Variants in CACNA2D3 observed in about 807,000 individuals in gnomAD.
The protein encoded by CACNA2D3 is voltage-dependent calcium channel subunit alpha-2/delta-3.
A neutral mutation model predicts 160.6 loss-of-function variants in CACNA2D3; 60 were observed. The observed-to-expected ratio is 0.37, with a 90% CI of 0.30 to 0.46. The LOEUF is 0.46. Ranked by LOEUF, CACNA2D3 falls within the 20% of genes least tolerant of loss-of-function variation. The pLI, the probability that CACNA2D3 is intolerant of heterozygous loss-of-function variation, is 1.00. For missense variants in CACNA2D3, 1,205 were observed against 1,365.0 expected (o/e 0.88, Z 1.85); for synonymous variants, 558 against 492.9 (o/e 1.13, Z -1.75).
chr3:54,867,628 GTGCACACACCACCTTT>G (rs538410520), intron 17 of CACNA2D3, among the ~76,000 whole-genome samples: 22 of 151,730 alleles, frequency 1.4e-4, no homozygotes, highest in Non-Finnish European at 2.6e-4. Context: ...CCTGATCCAG[GTGCACACACCACCTTT>G]TCAGGACTCT....
intron 11 of CACNA2D3, among the ~76,000 whole-genome samples, chr3:54,733,607 G>A (rs986216489): frequency 1.3e-5 from 2 of 152,176 alleles, no homozygotes; most frequent in African/African-American, 2.4e-5. Flanking sequence ...CATTTACAGA[G>A]AGAAATCAGG....
chr3:54,679,763 T>G (rs896587597), intron 11 of CACNA2D3, among the ~76,000 whole-genome samples: 2 of 152,238 alleles, frequency 1.3e-5, no homozygotes, highest in African/African-American at 4.8e-5. Flanking sequence ...GTTGAGTAGG[T>G]GAATATGGCG....
At chr3:54,325,672 C>A (rs1372494232) in intron 3 of CACNA2D3, among the ~76,000 whole-genome samples, 1 of 152,084 alleles carries the variant, frequency 6.6e-6, no homozygotes, top group Non-Finnish European at 1.5e-5. Flanking sequence ...GTTGTGGTAG[C>A]GTTTCAAGCA....
Position 54,380,950 on chromosome 3 carries a change from G to A in CACNA2D3, c.322-5765G>A, listed in dbSNP as rs150142778. ...AACTAACTCCAAGTTAACCCTTCGTGTAGCCCAAATCCATGTTCATGATTA... is the reference window on the plus strand; with the variant it reads ...AACTAACTCCAAGTTAACCCTTCGTATAGCCCAAATCCATGTTCATGATTA... On this transcript the variant is annotated intron_variant, in intron 3 of 37. Coordinates refer to ENST00000474759, the MANE Select transcript of CACNA2D3 (RefSeq NM_018398.3). 1.2e-3 allele frequency among the ~76,000 whole-genome samples: 180 copies of A among 152,172 alleles called. 1 individual carries two copies. Among genetic ancestry groups the A allele is most frequent in the African/African-American group, 4.2e-3 (174 of 41,492 alleles).
intron 17 of CACNA2D3, among the ~76,000 whole-genome samples, chr3:54,862,863 G>A (rs1699321670): frequency 6.6e-6 from 1 of 152,174 alleles, no homozygotes; most frequent in Admixed American, 6.5e-5. Context: ...GTGAATAAAG[G>A]AAGTCAATGT....
At chr3:54,722,073 A>G (rs879625619) in intron 11 of CACNA2D3, among the ~76,000 whole-genome samples, 56 of 152,004 alleles carry the variant, frequency 3.7e-4, no homozygotes, top group Non-Finnish European at 1.5e-4. Flanking sequence ...TGGTCTTTTC[A>G]CATAGTCCCA....
At chr3:54,616,032 C>T (rs1323051820) in intron 9 of CACNA2D3, among the ~76,000 whole-genome samples, 10 of 152,320 alleles carry the variant, frequency 6.6e-5, no homozygotes, top group Admixed American at 3.9e-4. Context: ...GCTACCATCC[C>T]GGGCTACCTC....
At chr3:54,433,726 T>C (rs1208043339) in intron 4 of CACNA2D3, among the ~76,000 whole-genome samples, 1 of 152,144 alleles carries the variant, frequency 6.6e-6, no homozygotes, top group African/African-American at 2.4e-5. Flanking sequence ...TCTCACACAT[T>C]ATGAACAGAG....
At chr3:54,765,744 A>G (rs1702212645) in intron 13 of CACNA2D3, among the ~76,000 whole-genome samples, 1 of 152,188 alleles carries the variant, frequency 6.6e-6, no homozygotes, top group Non-Finnish European at 1.5e-5. Context: ...CACAGTTTCT[A>G]CAATTAAAAC....
chr3:54,213,522 C>T (rs997751560), intron 2 of CACNA2D3, among the ~76,000 whole-genome samples: 3 of 152,168 alleles, frequency 2.0e-5, no homozygotes, highest in Non-Finnish European at 4.4e-5. Flanking sequence ...GGGAGGATAA[C>T]AGTCCTTTCT....
At chr3:55,022,693 A>G (rs1458046353) in intron 35 of CACNA2D3, among the ~76,000 whole-genome samples, 1 of 109,456 alleles carries the variant, frequency 9.1e-6, no homozygotes, top group African/African-American at 3.6e-5. Context: ...CATTGGATTG[A>G]TTGGGTTTTT....
At chr3:54,142,131 G>A (rs1381302906) in intron 2 of CACNA2D3, among the ~76,000 whole-genome samples, 2 of 152,192 alleles carry the variant, frequency 1.3e-5, no homozygotes, top group Non-Finnish European at 2.9e-5. Flanking sequence ...TGACAGAAAG[G>A]TGGAAGAGGG....
chr3:55,073,711 T>G, intron 36 of CACNA2D3, 66 bp from the exon 37 acceptor site: 1 of 1,413,010 alleles, frequency 7.1e-7, no homozygotes, highest in Non-Finnish European at 9.9e-7. Context: ...CATTGCCAAA[T>G]TTTGACCTCT....
rs148776550 is a variant in CACNA2D3, at chr3:54,297,734, G to C, written c.205-22708G>C. 6.7e-4 allele frequency among the ~76,000 whole-genome samples: 99 copies of C among 148,540 alleles called. 1 individual carries two copies. Among genetic ancestry groups the C allele is most frequent in the Middle Eastern group, 7.0e-3 (2 of 286 alleles). ...CACCAAAAAAAAAAAAAAAAAGAGTGAAGAAATGGTAACACCACTAAGAAG... is the reference window on the plus strand; with the variant it reads ...CACCAAAAAAAAAAAAAAAAAGAGTCAAGAAATGGTAACACCACTAAGAAG... On this transcript the variant is annotated intron_variant, in intron 2 of 37. Coordinates refer to ENST00000474759, the MANE Select transcript of CACNA2D3 (RefSeq NM_018398.3).
chr3:54,556,291 A>G (rs1702241203), intron 5 of CACNA2D3, among the ~76,000 whole-genome samples: 1 of 152,198 alleles, frequency 6.6e-6, no homozygotes, highest in African/African-American at 2.4e-5. Flanking sequence ...TCCTTCTGAG[A>G]CAAAGGAGAG....
At chr3:54,984,520 T>C (rs1702573134) in intron 29 of CACNA2D3, 88 bp from the exon 30 acceptor site, 6 of 762,290 alleles carry the variant, frequency 7.9e-6, no homozygotes, top group Non-Finnish European at 1.3e-5. Context: ...TTGTCTAAGG[T>C]TGGAAGTGTG....
At chr3:54,135,356 A>G (rs1699795658) in intron 2 of CACNA2D3, among the ~76,000 whole-genome samples, 1 of 152,222 alleles carries the variant, frequency 6.6e-6, no homozygotes, top group African/African-American at 2.4e-5. Flanking sequence ...ATCTTCATGC[A>G]GGAGGAAATC....
chr3:54,317,311 T>G lies in CACNA2D3; in HGVS notation c.205-3131T>G, dbSNP rs555171909. On this transcript the variant is annotated intron_variant, in intron 2 of 37. Coordinates refer to ENST00000474759, the MANE Select transcript of CACNA2D3 (RefSeq NM_018398.3). ...TCCAGTCAACCTCCCAAGGTAGGGG[T>G]AGGGAAGGTCACTCTTTGCCTTACT... Among the ~76,000 whole-genome samples the G allele has an allele frequency of 3.3e-5, 5 of 152,208 alleles. No homozygotes were observed. In the South Asian group the frequency reaches 8.3e-4, roughly 25 times the overall value.
In CACNA2D3 at chr3:54,503,660, A is replaced by T. The variant is rs763000901; in HGVS notation, c.544+6A>T. 2 of 1,612,018 alleles carry T rather than the reference A, an allele frequency of 1.2e-6. No individual in the cohort carries two copies. The highest frequency in any genetic ancestry group is 1.7e-6 in the Non-Finnish European group (2 of 1,178,526). On this transcript the variant is annotated splice_donor_region_variant and intron_variant, in intron 5 of 37. Transcript: ENST00000474759. Reference sequence around the variant, plus strand: ...AACGAACATGTACAACAAAGGTAAGACTCCCAGCCACTGCTCCTTTTAGAA... The same window carrying T: ...AACGAACATGTACAACAAAGGTAAGTCTCCCAGCCACTGCTCCTTTTAGAA...
Sources: allele counts gnomAD v4.1 joint callset (sites outside exome capture counted in the v4.1 genomes callset), GRCh38; gene constraint gnomAD v4.1.1; transcripts MANE v1.5; gene names NCBI Gene and HGNC (gene_info 2026-07-23, HGNC 2026-07-21).